KLHDC3: variants seen among roughly 807,000 people sequenced by gnomAD.
KLHDC3 encodes the protein kelch domain containing 3.
In KLHDC3, 5 loss-of-function variants were observed where a neutral mutation model predicts 44.1. The observed-to-expected ratio is 0.11, with a 90% CI of 0.06 to 0.24. KLHDC3 has a LOEUF of 0.24. Ranked by LOEUF, KLHDC3 falls within the 10% of genes least tolerant of loss-of-function variation. The pLI is 1.00. For synonymous variants in KLHDC3, 170 were observed against 189.0 expected (o/e 0.90, Z 0.82); for missense variants, 247 against 514.3 (o/e 0.48, Z 5.03).
Position 43,019,324 on chromosome 6 carries a change from T to C in KLHDC3, c.1040T>C (p.Ile347Thr), listed in dbSNP as rs1354378448. 6.2e-7 allele frequency: 1 copy of C among 1,614,020 alleles called. No individual in the cohort carries two copies. Among genetic ancestry groups the C allele is most frequent in the Admixed American group, 1.7e-5 (1 of 60,012 alleles). The change falls in exon 10 of 11, where the codon ATT becomes ACT. Residue 347 changes from isoleucine to threonine, a missense_variant. Around this residue, in one of 2 missense-constraint regions of KLHDC3, gnomAD observed 176 missense variants for 413.5 expected, o/e 0.43. Transcript: ENST00000326974. ...SLKTLCKLAVIQYNLDQSCLP... is the reference protein window; with the variant it reads ...SLKTLCKLAVTQYNLDQSCLP... ...AAGACTCTGTGCAAACTGGCCGTGA[T>C]TCAGTATAACCTAGACCAGTCCTGT...
rs1026303998 is a variant in KLHDC3 at position 43,017,265 on chromosome 6, C to T, written c.73C>T (p.Arg25Trp). Reference protein sequence around the residue: ...VNHAAVAVGHRVYSFGGYCSG... With the variant: ...VNHAAVAVGHWVYSFGGYCSG... ...CCATGCTGCAGTGGCTGTCGGGCAT[C>T]GGGTATACTCCTTCGGGGGTTACTG... The change falls in exon 2 of 11, where the codon CGG (arginine) becomes TGG (tryptophan). Residue 25 changes from arginine (R) to tryptophan (W), a missense_variant. Physicochemically the swap from Arg to Trp is moderately radical, Grantham distance 101. This residue lies in a region of KLHDC3 where 71 missense variants were observed against 100.8 expected (regional missense o/e 0.70). Coordinates refer to ENST00000326974, the MANE Select transcript of KLHDC3 (RefSeq NM_057161.4). This position sits in a 1 kb window ranked among gnomAD's most constrained non-coding sequence, Gnocchi z 6.0. The T allele has an allele frequency of 1.2e-5, 20 of 1,614,026 alleles. No individual in the cohort carries two copies. Among genetic ancestry groups the T allele is most frequent in the Non-Finnish European group, 1.6e-5 (19 of 1,180,014 alleles).
intron 1 of KLHDC3, among the ~76,000 whole-genome samples, chr6:43,015,306 G>A (rs1423492116): frequency 6.6e-6 from 1 of 152,114 alleles, no homozygotes; most frequent in Admixed American, 6.5e-5. Context: ...TGGGTGGGTG[G>A]GACTAGCAAG....
Position 43,014,690 on chromosome 6 carries a change from CAT to C in KLHDC3, c.-60+345_-60+346del, listed in dbSNP as rs578173567. ...GTCTGGAAGAAGACAGGGATAGAGT[CAT>C]ATGCAGAGAGGGGTATCGTGGTCAG... On this transcript the variant is annotated intron_variant, in intron 1 of 10. Transcript: ENST00000326974. The C allele has an allele frequency of 1.5e-3, 658 of 451,148 alleles. 3 individuals carry two copies. Among genetic ancestry groups the C allele is most frequent in the African/African-American group, 0.012 (615 of 50,066 alleles). 27.9% of individuals were successfully genotyped at this position (451,148 alleles called of 1,614,324 possible). A position where few individuals can be genotyped will look rare whatever the true frequency, so the allele number is the denominator to read the frequency against.
Position 43,018,805 on chromosome 6 carries a change from G to T in KLHDC3, c.821-58G>T. The T allele has an allele frequency of 1.3e-6, 2 of 1,544,742 alleles. No homozygotes were observed. The highest frequency in any genetic ancestry group is 1.8e-6 in the Non-Finnish European group (2 of 1,116,764). On this transcript the variant is annotated intron_variant, in intron 7 of 10. Coordinates refer to ENST00000326974, the MANE Select transcript of KLHDC3 (RefSeq NM_057161.4). The surrounding 1 kb of genome is among the most constrained non-coding windows in gnomAD (Gnocchi z 6.0). ...TAATCCTGAGGCGGTGAGGGATGGG[G>T]GTGGGGAAGATACCTGGACTAGGCA...
At position 43,017,655 on chromosome 6, in the gene KLHDC3, C is replaced by T. The variant is rs2037434934; in HGVS notation, c.291C>T (p.Asp97=). ...DTVLLWGGRN[D]TEGACNVLYA... is the part of the protein sequence containing the mutation. ...TCCTCCTTTGGGGCGGGCGGAATGACACCGAAGGGGCCTGCAATGTGCTCT... is the reference window on the plus strand; with the variant it reads ...TCCTCCTTTGGGGCGGGCGGAATGATACCGAAGGGGCCTGCAATGTGCTCT... The change falls in exon 3 of 11, where the codon GAC becomes GAT. Residue 97 remains aspartate, a synonymous_variant. Transcript: ENST00000326974. This position sits in a 1 kb window ranked among gnomAD's most constrained non-coding sequence, Gnocchi z 6.0. 2 of 1,613,762 alleles carry T rather than the reference C, an allele frequency of 1.2e-6. No individual in the cohort carries two copies. Among genetic ancestry groups the T allele is most frequent in the Non-Finnish European group, 1.7e-6 (2 of 1,179,814 alleles).
intron 10 of KLHDC3, 141 bp downstream of exon 10, chr6:43,019,507 TGG>T: frequency 1.6e-6 from 1 of 634,950 alleles, no homozygotes; most frequent in African/African-American, 1.8e-5. Flanking sequence ...GGAAATGAGA[TGG>T]AAGGAGGTGA....
rs541831489 is a variant in KLHDC3, at chr6:43,018,993, G to A, written c.929+22G>A. 1 of 1,523,486 alleles carries A rather than the reference G, an allele frequency of 6.6e-7. No individual in the cohort carries two copies. The highest frequency in any genetic ancestry group is 1.4e-5 in the African/African-American group (1 of 72,842). The allele number at this position is 1,523,486 out of a possible 1,614,324, so 94.4% of individuals were successfully genotyped here. ...CCAGGTTAGAAGGAGAGAGGGAAGG[G>A]GCTCAGGGAAGTCACTAATGGGAGA... On this transcript the variant is annotated intron_variant, in intron 8 of 10. Coordinates refer to ENST00000326974, the MANE Select transcript of KLHDC3 (RefSeq NM_057161.4). The surrounding 1 kb of genome is among the most constrained non-coding windows in gnomAD (Gnocchi z 6.0).
intron 1 of KLHDC3, chr6:43,016,795 C>T (rs770121791): frequency 3.3e-5 from 7 of 212,426 alleles, no homozygotes; most frequent in Non-Finnish European, 4.8e-5. Flanking sequence ...GAGAATATAC[C>T]GTTTGGGAAG....
At position 43,021,045 on chromosome 6, in the gene KLHDC3, G is replaced by A; in HGVS notation, c.*312G>A. The A allele has an allele frequency of 1.9e-6, 1 of 539,686 alleles. No homozygotes were observed. The allele number at this position is 539,686 out of a possible 1,614,324, so 33.4% of individuals were successfully genotyped here. A position where few individuals can be genotyped will look rare whatever the true frequency, so the allele number is the denominator to read the frequency against. On this transcript the variant is annotated 3_prime_UTR_variant, in exon 11 of 11. Transcript: ENST00000326974. ...TGCTGGGAAGGGAAGGGAATGGGGA[G>A]AAGGGAGAAGCAAGCAGTGTCTGAG...
In KLHDC3 at chr6:43,017,679, C is replaced by G. The variant is rs769579253; in HGVS notation, c.315C>G (p.Leu105=). 11 of 1,612,384 alleles carry G rather than the reference C, an allele frequency of 6.8e-6. No individual in the cohort carries two copies. The highest frequency in any genetic ancestry group is 9.3e-6 in the Non-Finnish European group (11 of 1,179,080). ...ACACCGAAGGGGCCTGCAATGTGCT[C>G]TATGCCTTTGACGTCAGTGAGTATG... ...RNDTEGACNV[L]YAFDVNTHKW... is the part of the protein sequence containing the mutation. Residue 105 remains leucine, a synonymous_variant, in exon 3 of 11, where the codon CTC becomes CTG. Coordinates refer to ENST00000326974, the MANE Select transcript of KLHDC3 (RefSeq NM_057161.4). The surrounding 1 kb of genome is among the most constrained non-coding windows in gnomAD (Gnocchi z 6.0).
chr6:43,018,075 G>A lies in KLHDC3; in HGVS notation c.448-70G>A. 2.1e-6 allele frequency: 3 copies of A among 1,431,994 alleles called. No individual in the cohort carries two copies. Among genetic ancestry groups the A allele is most frequent in the Non-Finnish European group, 3.0e-6 (3 of 1,014,398 alleles). 88.7% of individuals were successfully genotyped at this position (1,431,994 alleles called of 1,614,324 possible). On this transcript the variant is annotated intron_variant, in intron 4 of 10. Transcript: ENST00000326974. The surrounding 1 kb of genome is among the most constrained non-coding windows in gnomAD (Gnocchi z 6.0). ...CTTTGGCTTGTTTGCAGGTTTTGAG[G>A]GGAGGGATGGAGGGTCAGAGAGTGA...
rs1762641149 is a variant in KLHDC3 at position 43,019,226 on chromosome 6, A to G, written c.1003+61A>G. The G allele has an allele frequency of 1.2e-5, 18 of 1,551,854 alleles. No homozygotes were observed. The Middle Eastern group carries it at 6.7e-4, about 58-fold the overall frequency. On this transcript the variant is annotated intron_variant, in intron 9 of 10. Coordinates refer to ENST00000326974, the MANE Select transcript of KLHDC3 (RefSeq NM_057161.4). The stretch of plus-strand genomic sequence containing the variant: ...AAGGTCCCTGTCTTTGGGTGGTGAT[A>G]TCCAGGACTGGATCCTTTCCTCACC...
rs1442936101 is a variant in KLHDC3 at position 43,020,862 on chromosome 6, T to C, written c.*129T>C. On this transcript the variant is annotated 3_prime_UTR_variant, in exon 11 of 11. Coordinates refer to ENST00000326974, the MANE Select transcript of KLHDC3 (RefSeq NM_057161.4). ...CCATGTGGAGTTGTTGGGCGAGAGGTGTTCTCTGTGCTGTGAATTCAGTGG... is the reference window on the plus strand; with the variant it reads ...CCATGTGGAGTTGTTGGGCGAGAGGCGTTCTCTGTGCTGTGAATTCAGTGG... 6.6e-6 allele frequency: 5 copies of C among 755,956 alleles called. No homozygotes were observed. In the East Asian group the frequency reaches 1.1e-4, roughly 16 times the overall value. The allele number at this position is 755,956 out of a possible 1,614,324, so 46.8% of individuals were successfully genotyped here.
intron 10 of KLHDC3, 69 bp from the exon 11 acceptor site, chr6:43,020,598 G>C: frequency 7.9e-7 from 1 of 1,261,984 alleles, no homozygotes; most frequent in Non-Finnish European, 1.2e-6. Context: ...TTTTTAGCTT[G>C]GTTCAAACAT....
chr6:43,017,315 G>A lies in KLHDC3; in HGVS notation c.123G>A (p.Leu41=), dbSNP rs748277731. Residue 41 remains leucine, a synonymous_variant, in exon 2 of 11, where the codon CTG becomes CTA. Coordinates refer to ENST00000326974, the MANE Select transcript of KLHDC3 (RefSeq NM_057161.4). The surrounding 1 kb of genome is among the most constrained non-coding windows in gnomAD (Gnocchi z 6.0). The part of the protein sequence containing the change: ...GYCSGEDYET[L]RQIDVHIFNA... Reference sequence around the variant, plus strand: ...GCTCTGGTGAAGACTATGAGACACTGCGTCAGATAGATGTGCACATTTTCA... The same window carrying A: ...GCTCTGGTGAAGACTATGAGACACTACGTCAGATAGATGTGCACATTTTCA... The A allele has an allele frequency of 7.4e-6, 12 of 1,613,958 alleles. No homozygotes were observed. The Admixed American group carries it at 1.5e-4, about 20-fold the overall frequency.
rs1405636252 is a variant in KLHDC3, at chr6:43,018,133, C to T, written c.448-12C>T. On this transcript the variant is annotated splice_polypyrimidine_tract_variant and intron_variant, in intron 4 of 10. Coordinates refer to ENST00000326974, the MANE Select transcript of KLHDC3 (RefSeq NM_057161.4). The surrounding 1 kb of genome is among the most constrained non-coding windows in gnomAD (Gnocchi z 6.0). The stretch of plus-strand genomic sequence containing the variant: ...CTCCCTCTTTTCTTCCTCCTTTTCT[C>T]TTCCTACTCAGGCGGACTGTTTTTC... 6.3e-7 allele frequency: 1 copy of T among 1,595,798 alleles called. No individual in the cohort carries two copies. The highest frequency in any genetic ancestry group is 1.1e-5 in the South Asian group (1 of 90,676).
chr6:43,018,230 T>C lies in KLHDC3; in HGVS notation c.519+14T>C. On this transcript the variant is annotated intron_variant, in intron 5 of 10. Coordinates refer to ENST00000326974, the MANE Select transcript of KLHDC3 (RefSeq NM_057161.4). This position sits in a 1 kb window ranked among gnomAD's most constrained non-coding sequence, Gnocchi z 6.0. ...ATCTGTACAAAGGTCTGCTCTTTCT[T>C]TTTTTTCCCAAATCCCCACCCTCTG... The C allele has an allele frequency of 2.5e-6, 4 of 1,601,426 alleles. No homozygotes were observed. The highest frequency in any genetic ancestry group is 3.4e-6 in the Non-Finnish European group (4 of 1,168,712).
intron 1 of KLHDC3, 42 bp downstream of exon 1, chr6:43,014,390 C>A: frequency 1.9e-6 from 1 of 540,418 alleles, no homozygotes; most frequent in Non-Finnish European, 3.5e-6. Context: ...AATTAGGGGG[C>A]TTAGGACGTG....
rs1247385753 is a variant in KLHDC3, at chr6:43,021,157, G to C, written c.*424G>C. 2 of 465,540 alleles carry C rather than the reference G, an allele frequency of 4.3e-6. No individual in the cohort carries two copies. The highest frequency in any genetic ancestry group is 2.0e-5 in the African/African-American group (1 of 50,518). The allele number at this position is 465,540 out of a possible 1,614,324, so 28.8% of individuals were successfully genotyped here. ...TGACTGGGAGCTGAAAGGAGTTGCA[G>C]CTGTTGGCATGAGACCTCCTTCTCC... On this transcript the variant is annotated 3_prime_UTR_variant, in exon 11 of 11. Transcript: ENST00000326974.
Sources: gnomAD v4.1 joint callset for allele counts (sites outside exome capture counted in the v4.1 genomes callset) on GRCh38, gnomAD v4.1.1 for gene constraint, gnomAD v4.1.1 regional missense constraint, Gnocchi (gnomAD v3.1) non-coding constraint, MANE v1.5 for transcripts, NCBI Gene and HGNC (gene_info 2026-07-23, HGNC 2026-07-21) for gene names.